STMN4: variants seen among roughly 807,000 people sequenced by gnomAD.
STMN4 encodes stathmin-4.
STMN4 carries 12 observed loss-of-function variants against 29.1 expected under a neutral mutation model. That is an observed-to-expected ratio of 0.41 (90% CI 0.26 to 0.67). The LOEUF is 0.67. STMN4 is among the 30% of genes least tolerant of loss of function. STMN4 has a pLI of 0.30. For missense variants in STMN4, 181 were observed against 262.8 expected (o/e 0.69, Z 2.15); for synonymous variants, 114 against 105.3 (o/e 1.08, Z -0.51).
intron 1 of STMN4, among the ~76,000 whole-genome samples, chr8:27,245,555 G>A (rs1402748973): frequency 6.6e-6 from 1 of 152,264 alleles, no homozygotes; most frequent in Admixed American, 6.5e-5. Context: ...GCACCAGTGA[G>A]TCCCTGAACA....
chr8:27,238,521 T>A (rs992429546), intron 6 of STMN4, among the ~76,000 whole-genome samples: 1 of 152,192 alleles, frequency 6.6e-6, no homozygotes, highest in African/African-American at 2.4e-5. Context: ...AATCTACCGA[T>A]CTCTCTGCCT....
At chr8:27,252,653 T>A (rs6557988) in intron 1 of STMN4, among the ~76,000 whole-genome samples, 121,424 of 152,180 alleles carry the variant, frequency 0.8, 50,290 homozygotes, top group East Asian at 0.97. Context: ...TAATAGATCA[T>A]CAATTTAGGT....
Position 27,236,640 on chromosome 8 carries a change from C to T in STMN4, c.*206G>A, listed in dbSNP as rs117796925. 5 of 452,400 alleles carry T rather than the reference C, an allele frequency of 1.1e-5. No homozygotes were observed. The highest frequency in any genetic ancestry group is 7.4e-5 in the East Asian group (2 of 27,050). The allele number at this position is 452,400 out of a possible 1,614,324, so 28.0% of individuals were successfully genotyped here. A position where few individuals can be genotyped will look rare whatever the true frequency, so the allele number is the denominator to read the frequency against. ...CTCTCTCCTCTCCCCTCTCCCACCC[C>T]GTCATTGTTCCCCGGAAACAAATAG... On this transcript the variant is annotated 3_prime_UTR_variant, in exon 7 of 7. Transcript: ENST00000350889.
intron 1 of STMN4, among the ~76,000 whole-genome samples, chr8:27,251,977 C>T (rs544793775): frequency 6.6e-6 from 1 of 151,454 alleles, no homozygotes; most frequent in Non-Finnish European, 1.5e-5. Flanking sequence ...CATTCCACAA[C>T]AGTCCCCAGA....
At position 27,236,727 on chromosome 8, in the gene STMN4, G is replaced by T; in HGVS notation, c.*119C>A. 6.0e-6 allele frequency: 5 copies of T among 827,878 alleles called. No homozygotes were observed. Among genetic ancestry groups the T allele is most frequent in the Non-Finnish European group, 8.9e-6 (5 of 561,572 alleles). 51.3% of individuals were successfully genotyped at this position (827,878 alleles called of 1,614,324 possible). A position where few individuals can be genotyped will look rare whatever the true frequency, so the allele number is the denominator to read the frequency against. On this transcript the variant is annotated 3_prime_UTR_variant, in exon 7 of 7. Coordinates refer to ENST00000350889, the MANE Select transcript of STMN4 (RefSeq NM_030795.4). ...ACCAAAAGCAGAGGAAACGCCCCTT[G>T]GCCACCCCCCTCCCCCCAAACCCCA...
At chr8:27,255,095 G>T (rs1801904593) in intron 1 of STMN4, among the ~76,000 whole-genome samples, 2 of 151,996 alleles carry the variant, frequency 1.3e-5, no homozygotes, top group Non-Finnish European at 2.9e-5. Context: ...TGGCAGGGAA[G>T]AATTTTTGGT....
At chr8:27,247,458 G>A (rs1478437540) in intron 1 of STMN4, among the ~76,000 whole-genome samples, 2 of 152,152 alleles carry the variant, frequency 1.3e-5, no homozygotes, top group South Asian at 2.1e-4. Context: ...TTTGCCACTG[G>A]GTGGCGCCAG....
At chr8:27,240,244 C>T (rs900729164) in intron 5 of STMN4, 82 bp from the exon 6 acceptor site, 2 of 1,489,872 alleles carry the variant, frequency 1.3e-6, no homozygotes, top group African/African-American at 1.4e-5. Context: ...TGAAAAGCTG[C>T]ACACTCAGAA....
At chr8:27,242,301 G>A in intron 3 of STMN4, 96 bp downstream of exon 3, 1 of 1,207,590 alleles carries the variant, frequency 8.3e-7, no homozygotes, top group East Asian at 2.4e-5. Flanking sequence ...GTCTCGGGAG[G>A]AGAGATTCAC....
intron 1 of STMN4, among the ~76,000 whole-genome samples, chr8:27,254,056 T>G (rs996950718): frequency 2.0e-5 from 3 of 152,230 alleles, no homozygotes; most frequent in Admixed American, 2.0e-4. Flanking sequence ...GTGTTGGGAT[T>G]ACAGGTGTGA....
Position 27,247,254 on chromosome 8 carries a change from C to CAAAAAA in STMN4, c.-78-3459_-78-3454dup, listed in dbSNP as rs150260843. ...TGGGTGAGAGAGTGAGACTTTGTCT[C>CAAAAAA]AAAAAAAAAAAAAAAAAAAGATGAT... is the stretch of plus-strand genomic sequence containing the variant. On this transcript the variant is annotated intron_variant, in intron 1 of 6. Coordinates refer to ENST00000350889, the MANE Select transcript of STMN4 (RefSeq NM_030795.4). Among the ~76,000 whole-genome samples the CAAAAAA allele has an allele frequency of 1.2e-4, 13 of 107,730 alleles. 2 individuals are homozygous for CAAAAAA. Among genetic ancestry groups the CAAAAAA allele is most frequent in the African/African-American group, 2.6e-4 (7 of 27,356 alleles). 70.7% of individuals were successfully genotyped at this position (107,730 alleles called of 152,430 possible). A position where few individuals can be genotyped will look rare whatever the true frequency, so the allele number is the denominator to read the frequency against.
Position 27,236,204 on chromosome 8 carries a change from G to A in STMN4, c.*642C>T, listed in dbSNP as rs1308601587. On this transcript the variant is annotated 3_prime_UTR_variant, in exon 7 of 7. Coordinates refer to ENST00000350889, the MANE Select transcript of STMN4 (RefSeq NM_030795.4). ...TGAATGGCAGAATTAAGGAAGCAAAGGGGCATCTGCCATCAGATGGATGAA... is the reference window on the plus strand; with the variant it reads ...TGAATGGCAGAATTAAGGAAGCAAAAGGGCATCTGCCATCAGATGGATGAA... 1 of 152,192 alleles carries A rather than the reference G, an allele frequency of 6.6e-6. No individual in the cohort carries two copies. Among genetic ancestry groups the A allele is most frequent in the African/African-American group, 2.4e-5 (1 of 41,434 alleles). The allele number at this position is 152,192 out of a possible 1,614,324, so 9.4% of individuals were successfully genotyped here. A position where few individuals can be genotyped will look rare whatever the true frequency, so the allele number is the denominator to read the frequency against.
At chr8:27,236,927 A>G (rs895013875) in intron 6 of STMN4, 22 bp from the exon 7 acceptor site, 2 of 1,601,200 alleles carry the variant, frequency 1.2e-6, no homozygotes, top group Non-Finnish European at 1.7e-6. Flanking sequence ...GGGAGGGAAA[A>G]GGGCAGGTCA....
At chr8:27,255,757 C>T (rs1801922712) in intron 1 of STMN4, among the ~76,000 whole-genome samples, 1 of 152,068 alleles carries the variant, frequency 6.6e-6, no homozygotes, top group African/African-American at 2.4e-5. Context: ...TAAAAATGGC[C>T]TAGTCCAGTA....
At chr8:27,249,663 G>C (rs947933383) in intron 1 of STMN4, among the ~76,000 whole-genome samples, 1 of 152,180 alleles carries the variant, frequency 6.6e-6, no homozygotes, top group African/African-American at 2.4e-5. Flanking sequence ...CTCTGAATGA[G>C]AAGATGGATA....
intron 1 of STMN4, among the ~76,000 whole-genome samples, chr8:27,257,957 A>G (rs1801991322): frequency 6.6e-6 from 1 of 152,252 alleles, no homozygotes; most frequent in African/African-American, 2.4e-5. Context: ...AAGAAAAGGT[A>G]AAAACACAGG....
intron 1 of STMN4, among the ~76,000 whole-genome samples, chr8:27,245,374 G>C (rs914018029): frequency 4.6e-5 from 7 of 152,204 alleles, no homozygotes; most frequent in African/African-American, 1.7e-4. Context: ...GGGTTTATGT[G>C]CCTGCTCAGG....
At chr8:27,251,799 T>A (rs573767001) in intron 1 of STMN4, among the ~76,000 whole-genome samples, 1 of 16,680 alleles carries the variant, frequency 6.0e-5, no homozygotes, top group Admixed American at 1.4e-3. Flanking sequence ...TTTTGCCATC[T>A]TTTTTTTTCT....
In STMN4 at chr8:27,243,727, T is replaced by C. The variant is rs750648809; in HGVS notation, c.-4A>G. Reference sequence around the variant, plus strand: ...TGTACCTACCAGCAAGGGTCATGTTTCTGGGATCTGGTGGCTGAATCTAGC... The same window carrying C: ...TGTACCTACCAGCAAGGGTCATGTTCCTGGGATCTGGTGGCTGAATCTAGC... On this transcript the variant is annotated 5_prime_UTR_variant, in exon 2 of 7. Coordinates refer to ENST00000350889, the MANE Select transcript of STMN4 (RefSeq NM_030795.4). 6.2e-7 allele frequency: 1 copy of C among 1,614,240 alleles called. No individual in the cohort carries two copies. The highest frequency in any genetic ancestry group is 8.5e-7 in the Non-Finnish European group (1 of 1,180,028).
Sources: gnomAD v4.1 joint callset for allele counts (sites outside exome capture counted in the v4.1 genomes callset) on GRCh38, gnomAD v4.1.1 for gene constraint, MANE v1.5 for transcripts, NCBI Gene and HGNC (gene_info 2026-07-23, HGNC 2026-07-21) for gene names.